Variants in SRGAP3 observed in about 807,000 individuals in gnomAD.
The protein encoded by SRGAP3 is SLIT-ROBO Rho GTPase activating protein 3.
In SRGAP3, 39 loss-of-function variants were observed where a neutral mutation model predicts 121.1. That is an observed-to-expected ratio of 0.32 (90% CI 0.25 to 0.42). SRGAP3 has a LOEUF of 0.42. SRGAP3 is among the 10% of genes least tolerant of loss of function. The pLI is 1.00. For synonymous variants in SRGAP3, 601 were observed against 570.0 expected, an observed-to-expected ratio of 1.05 and a Z score of -0.77; for missense variants, 1,213 against 1,470.6, an observed-to-expected ratio of 0.82 and a Z score of 2.86.
chr3:9,078,873 T>A (rs974469044), intron 4 of SRGAP3, among the ~76,000 whole-genome samples: 1 of 152,192 alleles, frequency 6.6e-6, no homozygotes, highest in African/African-American at 2.4e-5. Flanking sequence ...AACTTTTATC[T>A]AAGAACTCTC....
chr3:9,122,790 T>A (rs1949064406), intron 2 of SRGAP3, among the ~76,000 whole-genome samples: 1 of 151,544 alleles, frequency 6.6e-6, no homozygotes. Flanking sequence ...CAATTTCTTA[T>A]CCCCAAATGC....
At chr3:9,089,222 T>C (rs1947633192) in intron 3 of SRGAP3, among the ~76,000 whole-genome samples, 1 of 145,790 alleles carries the variant, frequency 6.9e-6, no homozygotes. Flanking sequence ...GTCACTCCCA[T>C]GTGTTATCTA....
intron 1 of SRGAP3, among the ~76,000 whole-genome samples, chr3:9,247,251 G>T (rs1309184019): frequency 1.3e-5 from 2 of 152,152 alleles, no homozygotes; most frequent in African/African-American, 2.4e-5. Context: ...GAGCAGTTGG[G>T]TGAATTAAAA....
chr3:9,028,945 C>T (rs1414209891), intron 12 of SRGAP3, among the ~76,000 whole-genome samples: 4 of 152,244 alleles, frequency 2.6e-5, no homozygotes, highest in South Asian at 4.2e-4. Context: ...TTCAGGGGAG[C>T]GCCATCGGCT....
At chr3:9,060,172 T>C (rs768407133) in intron 6 of SRGAP3, 59 bp downstream of exon 6, 1 of 1,612,616 alleles carries the variant, frequency 6.2e-7, no homozygotes, top group Non-Finnish European at 8.5e-7. Flanking sequence ...CTTCAGCCAG[T>C]GACATGTGCC....
chr3:9,203,624 C>G (rs1952148159), intron 1 of SRGAP3, among the ~76,000 whole-genome samples: 1 of 152,172 alleles, frequency 6.6e-6, no homozygotes, highest in Admixed American at 6.5e-5. Flanking sequence ...TTGCAATTGT[C>G]TGCTTTTTGT....
At chr3:9,163,370 CTG>C (rs1378119404) in intron 1 of SRGAP3, among the ~76,000 whole-genome samples, 2 of 152,222 alleles carry the variant, frequency 1.3e-5, no homozygotes, top group Non-Finnish European at 2.9e-5. Context: ...GGAAATAAGA[CTG>C]TTTTCCAGTC....
intron 10 of SRGAP3, among the ~76,000 whole-genome samples, chr3:9,043,576 C>G (rs1326182363): frequency 6.6e-6 from 1 of 152,116 alleles, no homozygotes; most frequent in Admixed American, 6.6e-5. Flanking sequence ...CAGCTTCAGA[C>G]TCACATTCCA....
At chr3:9,183,056 C>A (rs568286851) in intron 1 of SRGAP3, among the ~76,000 whole-genome samples, 1 of 148,566 alleles carries the variant, frequency 6.7e-6, no homozygotes, top group African/African-American at 2.4e-5. Context: ...GTCACCCAAA[C>A]TCACCCAGTG....
chr3:9,145,009 T>G (rs1474125651), intron 1 of SRGAP3, among the ~76,000 whole-genome samples: 6 of 152,248 alleles, frequency 3.9e-5, no homozygotes, highest in Non-Finnish European at 7.3e-5. Flanking sequence ...ATAATCTTTC[T>G]CTCTCTTTTC....
At chr3:9,035,462 C>T in intron 11 of SRGAP3, 1 of 178,232 alleles carries the variant, frequency 5.6e-6, no homozygotes, top group East Asian at 9.4e-5. Flanking sequence ...GGAAACGTAG[C>T]TATCCCAACT....
At chr3:9,191,380 C>T (rs534327755) in intron 1 of SRGAP3, among the ~76,000 whole-genome samples, 95 of 152,206 alleles carry the variant, frequency 6.2e-4, no homozygotes, top group South Asian at 6.2e-4. Flanking sequence ...ACATTTCTCA[C>T]GCTAAAGGAG....
chr3:9,099,261 A>G (rs1379854426), intron 3 of SRGAP3, among the ~76,000 whole-genome samples: 1 of 152,128 alleles, frequency 6.6e-6, no homozygotes, highest in Non-Finnish European at 1.5e-5. Flanking sequence ...AGCCCCCCAC[A>G]TGGCCTCGCT....
chr3:9,002,404 C>T (rs1364886365), intron 18 of SRGAP3, among the ~76,000 whole-genome samples: 2 of 151,776 alleles, frequency 1.3e-5, no homozygotes, highest in Non-Finnish European at 2.9e-5. Flanking sequence ...AATGAAGATA[C>T]AACATATCAA....
At chr3:9,327,493 C>T (rs774951366) in intron 2 of SRGAP3, among the ~76,000 whole-genome samples, 1 of 152,194 alleles carries the variant, frequency 6.6e-6, no homozygotes, top group Non-Finnish European at 1.5e-5. Context: ...GCATGTAAAC[C>T]TATTTTTTCA....
intron 18 of SRGAP3, among the ~76,000 whole-genome samples, chr3:9,006,234 A>G (rs1413305346): frequency 1.3e-5 from 2 of 152,086 alleles, no homozygotes; most frequent in African/African-American, 4.8e-5. Context: ...CCCCGTCTCT[A>G]CTAAAAAATA....
intron 1 of SRGAP3, among the ~76,000 whole-genome samples, chr3:9,186,802 G>C (rs757788434): frequency 1.1e-4 from 16 of 152,158 alleles, no homozygotes; most frequent in Non-Finnish European, 2.1e-4. Flanking sequence ...CAATCAATAA[G>C]CTGCTCTTGA....
At chr3:9,189,835 G>A (rs546859298) in intron 1 of SRGAP3, among the ~76,000 whole-genome samples, 2 of 152,164 alleles carry the variant, frequency 1.3e-5, no homozygotes, top group Non-Finnish European at 2.9e-5. Flanking sequence ...AGAGTAAATT[G>A]ATAAAAAGAA....
rs374105316 is a variant in SRGAP3 at position 8,982,882 on chromosome 3, C to T, written c.*2637G>A. On this transcript the variant is annotated 3_prime_UTR_variant, in exon 22 of 22. Coordinates refer to ENST00000383836, the MANE Select transcript of SRGAP3 (RefSeq NM_014850.4). The stretch of plus-strand genomic sequence containing the variant: ...GTGCTTAAAGAAAACAGCTAAGACT[C>T]TGCCCTCAGAAAATTCAGTGAAAGG... The T allele has an allele frequency of 2.6e-5, 6 of 227,256 alleles. No individual in the cohort carries two copies. The highest frequency in any genetic ancestry group is 1.3e-4 in the African/African-American group (6 of 44,882). The allele number at this position is 227,256 out of a possible 1,614,324, so 14.1% of individuals were successfully genotyped here.
Sources: gnomAD v4.1 joint callset for allele counts (sites outside exome capture counted in the v4.1 genomes callset) on GRCh38, gnomAD v4.1.1 for gene constraint, MANE v1.5 for transcripts, NCBI Gene and HGNC (gene_info 2026-07-23, HGNC 2026-07-21) for gene names.